The following PCYT1B variants were observed in gnomAD, a reference collection of about 807,000 sequenced individuals.
PCYT1B encodes the protein choline-phosphate cytidylyltransferase B.
A neutral mutation model predicts 26.4 loss-of-function variants in PCYT1B; 10 were observed. The ratio of observed to expected loss-of-function variants is 0.38; its 90% CI spans 0.23 to 0.64. The LOEUF (loss-of-function observed/expected upper bound fraction) is 0.64. Ranked by LOEUF, PCYT1B falls within the 30% of genes least tolerant of loss-of-function variation. The pLI, the probability that PCYT1B is intolerant of heterozygous loss-of-function variation, is 0.56. For missense variants in PCYT1B, 161 were observed against 292.7 expected, an observed-to-expected ratio of 0.55 and a Z score of 3.28; for synonymous variants, 131 against 108.4, an observed-to-expected ratio of 1.21 and a Z score of -1.29.
intron 3 of PCYT1B, among the ~76,000 whole-genome samples, chrX:24,601,259 G>A (rs1199754264): frequency 1.9e-4 from 21 of 112,094 alleles, no homozygotes; most frequent in African/African-American, 5.2e-4. Flanking sequence ...TTGGGAGGCC[G>A]AGGTTGGTGG....
intron 1 of PCYT1B, among the ~76,000 whole-genome samples, chrX:24,660,738 T>C (rs1927013124): frequency 9.2e-6 from 1 of 108,344 alleles, no homozygotes; most frequent in African/African-American, 3.4e-5. Flanking sequence ...AGTAGCTATA[T>C]GCGGTCAATG....
At chrX:24,604,330 A>T (rs1035964409) in intron 3 of PCYT1B, among the ~76,000 whole-genome samples, 3 of 110,401 alleles carry the variant, frequency 2.7e-5, no homozygotes, top group African/African-American at 9.9e-5. Flanking sequence ...ACCTCAGATG[A>T]TTCACCCAAC....
upstream of PCYT1B, among the ~76,000 whole-genome samples, chrX:24,651,121 G>A (rs1162662318): frequency 9.0e-6 from 1 of 110,660 alleles, no homozygotes; most frequent in Non-Finnish European, 1.9e-5. Context: ...GTGGGGTTAT[G>A]GAAGATTTTT....
chrX:24,639,609 C>T (rs927685295), intron 1 of PCYT1B, among the ~76,000 whole-genome samples: 3 of 111,847 alleles, frequency 2.7e-5, no homozygotes, highest in Non-Finnish European at 5.6e-5. Context: ...GACTCAACTA[C>T]CCAGGATATA....
At chrX:24,626,595 G>A (rs1405271971) in intron 1 of PCYT1B, among the ~76,000 whole-genome samples, 2 of 112,018 alleles carry the variant, frequency 1.8e-5, no homozygotes, top group East Asian at 5.5e-4. Context: ...TCAAGGCTCA[G>A]GTCTCCCAAA....
chrX:24,658,429 G>A (rs1926967992), intron 1 of PCYT1B, among the ~76,000 whole-genome samples: 1 of 109,946 alleles, frequency 9.1e-6, no homozygotes, highest in Admixed American at 9.7e-5. Context: ...AGTCTGAAAT[G>A]GGTCTCAGTG....
At chrX:24,570,323 G>A (rs773529606) in intron 7 of PCYT1B, among the ~76,000 whole-genome samples, 1 of 108,519 alleles carries the variant, frequency 9.2e-6, no homozygotes, top group East Asian at 2.9e-4. Flanking sequence ...GTGCAATCTC[G>A]AGTCATTGCA....
At chrX:24,650,317 CTTT>C (rs575150338), upstream of PCYT1B, among the ~76,000 whole-genome samples, 21,757 of 75,143 alleles carry the variant, frequency 0.29, 2,839 homozygotes, top group East Asian at 0.62. Flanking sequence ...TATTATGTAG[CTTT>C]TTTTTTTTTT....
intron 1 of PCYT1B, among the ~76,000 whole-genome samples, chrX:24,622,872 G>A (rs999507592): frequency 8.9e-6 from 1 of 111,953 alleles, no homozygotes; most frequent in Non-Finnish European, 1.9e-5. Context: ...TCCTGATAGA[G>A]AAGGGGTAAC....
intron 7 of PCYT1B, among the ~76,000 whole-genome samples, chrX:24,571,157 A>G (rs986424843): frequency 5.4e-5 from 6 of 111,623 alleles, no homozygotes; most frequent in African/African-American, 2.0e-4. Context: ...TGAGGTCAGG[A>G]GTTTGAGACC....
chrX:24,621,887 G>A, intron 1 of PCYT1B: 3 of 697,616 alleles, frequency 4.3e-6, no homozygotes, highest in Non-Finnish European at 3.4e-6. Flanking sequence ...GTGAAATCTG[G>A]TAATTAAAAC....
intron 1 of PCYT1B, among the ~76,000 whole-genome samples, chrX:24,644,180 G>A (rs1307799247): frequency 8.9e-6 from 1 of 112,029 alleles, no homozygotes; most frequent in African/African-American, 3.2e-5. Context: ...AAGATCATTA[G>A]CAAAGGAAAG....
intron 2 of PCYT1B, among the ~76,000 whole-genome samples, chrX:24,609,056 C>T (rs747692632): frequency 2.8e-4 from 31 of 112,043 alleles, no homozygotes; most frequent in Non-Finnish European, 5.3e-4. Flanking sequence ...TGCTCTCATT[C>T]TAAGCACCCT....
At chrX:24,586,673 T>C (rs1477445034) in intron 5 of PCYT1B, among the ~76,000 whole-genome samples, 1 of 112,163 alleles carries the variant, frequency 8.9e-6, no homozygotes, top group Non-Finnish European at 1.9e-5. Context: ...ACAGTGCCTA[T>C]AGATGAGATG....
chrX:24,599,968 C>A (rs757655205), intron 3 of PCYT1B, among the ~76,000 whole-genome samples: 3 of 110,785 alleles, frequency 2.7e-5, no homozygotes, highest in African/African-American at 9.9e-5. Context: ...AGTCCAGTGG[C>A]GCAATCTCAG....
chrX:24,579,037 C>A (rs1472489143), intron 6 of PCYT1B, among the ~76,000 whole-genome samples: 2 of 110,049 alleles, frequency 1.8e-5, no homozygotes, highest in African/African-American at 6.6e-5. Context: ...CCTGTAATCC[C>A]AGCTACTCAG....
chrX:24,638,475 G>A (rs1926364820), intron 1 of PCYT1B, among the ~76,000 whole-genome samples: 1 of 112,136 alleles, frequency 8.9e-6, no homozygotes, highest in African/African-American at 3.2e-5. Flanking sequence ...TATGGTCTGA[G>A]GCCAGCAACG....
At chrX:24,625,776 G>A (rs1308612472) in intron 1 of PCYT1B, among the ~76,000 whole-genome samples, 1 of 99,746 alleles carries the variant, frequency 1.0e-5, no homozygotes, top group Non-Finnish European at 2.0e-5. Context: ...GAGAGAGAAG[G>A]GGGAAGAGAG....
At chrX:24,584,242 T>C (rs1232473457) in intron 5 of PCYT1B, among the ~76,000 whole-genome samples, 1 of 111,575 alleles carries the variant, frequency 9.0e-6, no homozygotes, top group Non-Finnish European at 1.9e-5. Flanking sequence ...GGTGGGAGGA[T>C]CGCCTGAGCC....
Sources: allele counts gnomAD v4.1 joint callset (sites outside exome capture counted in the v4.1 genomes callset), GRCh38; gene constraint gnomAD v4.1.1; transcripts MANE v1.5; gene names NCBI Gene and HGNC (gene_info 2026-07-23, HGNC 2026-07-21).